The following PRSS50 variants were observed in gnomAD, a reference collection of about 807,000 sequenced individuals.
PRSS50 encodes serine protease 50.
PRSS50 carries 23 observed loss-of-function variants against 34.2 expected under a neutral mutation model. That is an observed-to-expected ratio of 0.67 (90% CI 0.48 to 0.95). PRSS50 has a LOEUF of 0.95. Among genes scored for constraint, PRSS50 ranks in the 40% least tolerant of loss-of-function variants. The probability of loss-of-function intolerance (pLI) is 0.00; values close to 1 mark genes in which losing one functional copy is unlikely to be tolerated. For synonymous variants in PRSS50, 224 were observed against 211.2 expected (o/e 1.06, Z -0.53); for missense variants, 484 against 513.4 (o/e 0.94, Z 0.55).
In PRSS50 at chr3:46,715,474, T is replaced by C; in HGVS notation, c.470+61A>G. 6.4e-7 allele frequency: 1 copy of C among 1,564,496 alleles called. No homozygotes were observed. The highest frequency in any genetic ancestry group is 2.3e-5 in the East Asian group (1 of 43,948). The stretch of plus-strand genomic sequence containing the variant: ...CCCAGAACAGCTGGCAGGGAGGGGA[T>C]GACTGGGCCCACAGCAGCTCCAAAT... On this transcript the variant is annotated intron_variant, in intron 3 of 5. Transcript: ENST00000315170. The surrounding 1 kb of genome is among the most constrained non-coding windows in gnomAD (Gnocchi z 5.2).
chr3:46,713,753 C>G (rs966305671), intron 4 of PRSS50, among the ~76,000 whole-genome samples: 1 of 152,212 alleles, frequency 6.6e-6, no homozygotes, highest in Non-Finnish European at 1.5e-5. Context: ...TTGGGACGAC[C>G]AGGAGTTGAG....
Position 46,717,495 on chromosome 3 carries a change from G to A in PRSS50, c.249C>T (p.Pro83=), listed in dbSNP as rs148134755. 1.3e-3 allele frequency: 2,019 copies of A among 1,613,950 alleles called. 12 individuals carry two copies. Among genetic ancestry groups the A allele is most frequent in the South Asian group, 3.8e-3 (350 of 91,068 alleles). The change falls in exon 2 of 6, where the codon CCC becomes CCT. Residue 83 remains proline, a synonymous_variant. Coordinates refer to ENST00000315170, the MANE Select transcript of PRSS50 (RefSeq NM_013270.5). The surrounding 1 kb of genome is among the most constrained non-coding windows in gnomAD (Gnocchi z 4.5). ...GGAATTGGGTCTCCATGGTGGTCGA[G>A]GGCAGTGTCTGGGTGGTCGGGGTCT... is the stretch of plus-strand genomic sequence containing the variant. ...LWQTPTTQTL[P]STTMETQFPV... is the part of the protein sequence containing the mutation.
chr3:46,717,376 G>A lies in PRSS50; in HGVS notation c.307+61C>T. 1 of 1,579,258 alleles carries A rather than the reference G, an allele frequency of 6.3e-7. No homozygotes were observed. The highest frequency in any genetic ancestry group is 8.7e-7 in the Non-Finnish European group (1 of 1,151,914). On this transcript the variant is annotated intron_variant, in intron 2 of 5. Coordinates refer to ENST00000315170, the MANE Select transcript of PRSS50 (RefSeq NM_013270.5). The surrounding 1 kb of genome is among the most constrained non-coding windows in gnomAD (Gnocchi z 4.5). ...CTTCTGCTCCCCTAGCCCCAGCCAAGGTCCTTAAGACTCCTCTGTCACCCT... is the reference window on the plus strand; with the variant it reads ...CTTCTGCTCCCCTAGCCCCAGCCAAAGTCCTTAAGACTCCTCTGTCACCCT...
Position 46,714,516 on chromosome 3 carries a change from AG to A in PRSS50, c.471-16del. ...TAACATCACGCCTAGGGGGGCCGTG[AG>A]GGGAGGCCATGATCAGCTCCAGGCC... On this transcript the variant is annotated splice_polypyrimidine_tract_variant and intron_variant, in intron 3 of 5. Coordinates refer to ENST00000315170, the MANE Select transcript of PRSS50 (RefSeq NM_013270.5). The A allele has an allele frequency of 6.4e-7, 1 of 1,553,300 alleles. No homozygotes were observed.
At chr3:46,714,930 C>A (rs114939014) in intron 3 of PRSS50, among the ~76,000 whole-genome samples, 1 of 152,224 alleles carries the variant, frequency 6.6e-6, no homozygotes, top group Non-Finnish European at 1.5e-5. Context: ...TAGCTGCGCA[C>A]CCCGGGGTAC....
At position 46,716,624 on chromosome 3, in the gene PRSS50, G is replaced by A. The variant is rs937266631; in HGVS notation, c.307+813C>T. 3.3e-5 allele frequency among the ~76,000 whole-genome samples: 5 copies of A among 152,114 alleles called. No individual in the cohort carries two copies. Among genetic ancestry groups the A allele is most frequent in the Non-Finnish European group, 5.9e-5 (4 of 68,020 alleles). On this transcript the variant is annotated intron_variant, in intron 2 of 5. Coordinates refer to ENST00000315170, the MANE Select transcript of PRSS50 (RefSeq NM_013270.5). The surrounding 1 kb of genome is among the most constrained non-coding windows in gnomAD (Gnocchi z 4.4). ...TCTGTACCATCCGCCTGGCAAAAAC[G>A]CAACATCTGTGACACCGAGTGTCAG...
rs1553632850 is a variant in PRSS50 at position 46,717,767 on chromosome 3, A to T, written c.58T>A (p.Ser20Thr). The change falls in exon 1 of 6, where the codon TCC becomes ACC. Residue 20 changes from serine (S) to threonine (T), a missense_variant. Ser to Thr is a moderately conservative substitution (Grantham distance 58). Coordinates refer to ENST00000315170, the MANE Select transcript of PRSS50 (RefSeq NM_013270.5). The surrounding 1 kb of genome is among the most constrained non-coding windows in gnomAD (Gnocchi z 4.5). The part of the protein sequence containing the change: ...RGQRPRTSAP[S>T]RAGALLLLLL... The stretch of plus-strand genomic sequence containing the variant: ...AGCAGCAGCAGGGCACCGGCGCGGG[A>T]GGGGGCAGACGTCCGGGGGCGCTGC... The T allele has an allele frequency of 6.3e-7, 1 of 1,583,294 alleles. No individual in the cohort carries two copies. Among genetic ancestry groups the T allele is most frequent in the South Asian group, 1.1e-5 (1 of 87,280 alleles).
intron 5 of PRSS50, 21 bp from the exon 6 acceptor site, chr3:46,712,503 G>C: frequency 6.2e-7 from 1 of 1,611,784 alleles, no homozygotes; most frequent in Non-Finnish European, 8.5e-7. Flanking sequence ...GGTTGGGGGA[G>C]TAAGGGTCAG....
Position 46,716,172 on chromosome 3 carries a change from A to G in PRSS50, c.308-475T>C, listed in dbSNP as rs1700681785. On this transcript the variant is annotated intron_variant, in intron 2 of 5. Coordinates refer to ENST00000315170, the MANE Select transcript of PRSS50 (RefSeq NM_013270.5). The surrounding 1 kb of genome is among the most constrained non-coding windows in gnomAD (Gnocchi z 4.4). ...GGGCATAGTCCAAGGAGAAAATCCC[A>G]GTAGCCAATGACCACAGAAGCTGCT... 6.6e-6 allele frequency among the ~76,000 whole-genome samples: 1 copy of G among 152,212 alleles called. No individual in the cohort carries two copies. Among genetic ancestry groups the G allele is most frequent in the Non-Finnish European group, 1.5e-5 (1 of 68,030 alleles).
Position 46,715,122 on chromosome 3 carries a change from C to T in PRSS50, c.470+413G>A, listed in dbSNP as rs181917056. Among the ~76,000 whole-genome samples, 2 of 152,344 alleles carry T rather than the reference C, an allele frequency of 1.3e-5. No homozygotes were observed. Among genetic ancestry groups the T allele is most frequent in the Non-Finnish European group, 2.9e-5 (2 of 68,022 alleles). On this transcript the variant is annotated intron_variant, in intron 3 of 5. Coordinates refer to ENST00000315170, the MANE Select transcript of PRSS50 (RefSeq NM_013270.5). The surrounding 1 kb of genome is among the most constrained non-coding windows in gnomAD (Gnocchi z 5.2). ...CCCCAACAAGCTGGAAGGAATGATCCATCCCTCCTCTGCCCCCAGTGTCCA... is the reference window on the plus strand; with the variant it reads ...CCCCAACAAGCTGGAAGGAATGATCTATCCCTCCTCTGCCCCCAGTGTCCA...
intron 5 of PRSS50, 139 bp from the exon 6 acceptor site, chr3:46,712,621 C>T: frequency 1.2e-6 from 1 of 831,850 alleles, no homozygotes; most frequent in Non-Finnish European, 1.9e-6. Context: ...GTGCTCCAGA[C>T]CCAGGAGCTC....
chr3:46,713,232 C>G (rs1318688495), intron 4 of PRSS50, among the ~76,000 whole-genome samples, 165 bp from the exon 5 acceptor site: 3 of 152,200 alleles, frequency 2.0e-5, no homozygotes, highest in Admixed American at 6.5e-5. Context: ...CAACACAGAG[C>G]CCCCGGAGCA....
At position 46,716,936 on chromosome 3, in the gene PRSS50, C is replaced by G. The variant is rs1341047040; in HGVS notation, c.307+501G>C. ...CAGTTAAATGCTATGTGCTGAGTCC[C>G]AGTCTTATGTGGGTCTGTTAAACAT... On this transcript the variant is annotated intron_variant, in intron 2 of 5. Transcript: ENST00000315170. The surrounding 1 kb of genome is among the most constrained non-coding windows in gnomAD (Gnocchi z 4.4). 6.6e-6 allele frequency among the ~76,000 whole-genome samples: 1 copy of G among 152,176 alleles called. No homozygotes were observed. Among genetic ancestry groups the G allele is most frequent in the Non-Finnish European group, 1.5e-5 (1 of 68,036 alleles).
Position 46,715,509 on chromosome 3 carries a change from C to A in PRSS50, c.470+26G>T. 1 of 1,597,658 alleles carries A rather than the reference C, an allele frequency of 6.3e-7. No homozygotes were observed. Among genetic ancestry groups the A allele is most frequent in the Non-Finnish European group, 8.6e-7 (1 of 1,166,828 alleles). On this transcript the variant is annotated intron_variant, in intron 3 of 5. Transcript: ENST00000315170. The surrounding 1 kb of genome is among the most constrained non-coding windows in gnomAD (Gnocchi z 5.2). The stretch of plus-strand genomic sequence containing the variant: ...CACAGCAGCTCCAAATACCTCTCCA[C>A]CCACCCCACCTCAGCCTTGACTCAC...
intron 4 of PRSS50, among the ~76,000 whole-genome samples, chr3:46,713,533 G>A (rs1700645003): frequency 6.6e-6 from 1 of 152,242 alleles, no homozygotes; most frequent in Admixed American, 6.5e-5. Context: ...ACAGGAGACA[G>A]GCCACAGCAG....
Position 46,715,712 on chromosome 3 carries a change from G to A in PRSS50, c.308-15C>T. On this transcript the variant is annotated splice_polypyrimidine_tract_variant and intron_variant, in intron 2 of 5. Coordinates refer to ENST00000315170, the MANE Select transcript of PRSS50 (RefSeq NM_013270.5). The surrounding 1 kb of genome is among the most constrained non-coding windows in gnomAD (Gnocchi z 5.2). ...AAAGCCACAGGCTGAGGAGGAAGGT[G>A]AGAGCTTGATGAGGGATGGATCTTT... 6.3e-7 allele frequency: 1 copy of A among 1,574,876 alleles called. No homozygotes were observed. Among genetic ancestry groups the A allele is most frequent in the South Asian group, 1.2e-5 (1 of 86,502 alleles).
In PRSS50 at chr3:46,716,885, A is replaced by T. The variant is rs528663585; in HGVS notation, c.307+552T>A. Among the ~76,000 whole-genome samples, 1 of 152,202 alleles carries T rather than the reference A, an allele frequency of 6.6e-6. No individual in the cohort carries two copies. The highest frequency in any genetic ancestry group is 2.4e-5 in the African/African-American group (1 of 41,440). On this transcript the variant is annotated intron_variant, in intron 2 of 5. Coordinates refer to ENST00000315170, the MANE Select transcript of PRSS50 (RefSeq NM_013270.5). The surrounding 1 kb of genome is among the most constrained non-coding windows in gnomAD (Gnocchi z 4.4). The stretch of plus-strand genomic sequence containing the variant: ...GGCATGCACAGCACAGGGTACTGGA[A>T]GTCCTGTTTGGGTGACTTTCTGTGG...
chr3:46,715,441 A>G lies in PRSS50; in HGVS notation c.470+94T>C. On this transcript the variant is annotated intron_variant, in intron 3 of 5. Transcript: ENST00000315170. The surrounding 1 kb of genome is among the most constrained non-coding windows in gnomAD (Gnocchi z 5.2). The stretch of plus-strand genomic sequence containing the variant: ...GAGCCCAGATGAGGCTGGGGCTGGG[A>G]CTGTGGGCCCAGAACAGCTGGCAGG... The G allele has an allele frequency of 6.7e-7, 1 of 1,492,950 alleles. No homozygotes were observed. The highest frequency in any genetic ancestry group is 1.9e-5 in the Admixed American group (1 of 52,518). The allele number at this position is 1,492,950 out of a possible 1,614,324, so 92.5% of individuals were successfully genotyped here. A position where few individuals can be genotyped will look rare whatever the true frequency, so the allele number is the denominator to read the frequency against.
chr3:46,712,550 G>T, intron 5 of PRSS50, 68 bp from the exon 6 acceptor site: 1 of 1,452,898 alleles, frequency 6.9e-7, no homozygotes, highest in Non-Finnish European at 9.6e-7. Context: ...CCAGCTCCAG[G>T]ACAGGCGGGA....
Sources: allele counts gnomAD v4.1 joint callset (sites outside exome capture counted in the v4.1 genomes callset), GRCh38; gene constraint gnomAD v4.1.1; non-coding constraint Gnocchi (gnomAD v3.1); transcripts MANE v1.5; gene names NCBI Gene and HGNC (gene_info 2026-07-23, HGNC 2026-07-21).